The following ATP6V1H variants were observed in gnomAD, a reference collection of about 807,000 sequenced individuals.
The protein encoded by ATP6V1H is V-type proton ATPase subunit H.
In ATP6V1H, 39 loss-of-function variants were observed where a neutral mutation model predicts 71.7. The observed-to-expected ratio is 0.54, with a 90% CI of 0.42 to 0.71. ATP6V1H has a LOEUF of 0.71. Ranked by LOEUF, ATP6V1H falls within the 30% of genes least tolerant of loss-of-function variation. The pLI, the probability that ATP6V1H is intolerant of heterozygous loss-of-function variation, is 0.00. For missense variants in ATP6V1H, 509 were observed against 594.9 expected, an observed-to-expected ratio of 0.86 and a Z score of 1.50; for synonymous variants, 192 against 199.3, an observed-to-expected ratio of 0.96 and a Z score of 0.31.
chr8:53,786,619 A>G (rs1394137170), intron 9 of ATP6V1H, among the ~76,000 whole-genome samples: 4 of 152,182 alleles, frequency 2.6e-5, no homozygotes, highest in Non-Finnish European at 5.9e-5. Flanking sequence ...TGTCACTCAC[A>G]ATGGGAGCTG....
In ATP6V1H at chr8:53,825,103, G is replaced by A. The variant is rs189771912; in HGVS notation, c.306+4341C>T. Reference sequence around the variant, plus strand: ...TGAAAATTACAACACTCCTGAAGACGCAGACACACCTAACAAACGGAAAGG... The same window carrying A: ...TGAAAATTACAACACTCCTGAAGACACAGACACACCTAACAAACGGAAAGG... On this transcript the variant is annotated intron_variant, in intron 4 of 13. Transcript: ENST00000359530. Among the ~76,000 whole-genome samples the A allele has an allele frequency of 2.3e-3, 345 of 152,224 alleles. 2 individuals are homozygous for A. The highest frequency in any genetic ancestry group is 7.9e-3 in the African/African-American group (328 of 41,540).
At chr8:53,812,287 A>G (rs1167967154) in intron 6 of ATP6V1H, among the ~76,000 whole-genome samples, 1 of 152,186 alleles carries the variant, frequency 6.6e-6, no homozygotes, top group East Asian at 1.9e-4. Flanking sequence ...TGCACAATTT[A>G]AAGTCCACAA....
At chr8:53,752,819 G>T (rs1291181396) in intron 12 of ATP6V1H, among the ~76,000 whole-genome samples, 1 of 152,010 alleles carries the variant, frequency 6.6e-6, no homozygotes, top group African/African-American at 2.4e-5. Context: ...CAAAGTGCTG[G>T]GATTACAGGC....
intron 9 of ATP6V1H, among the ~76,000 whole-genome samples, chr8:53,773,156 G>C (rs1343938329): frequency 6.6e-6 from 1 of 152,102 alleles, no homozygotes; most frequent in African/African-American, 2.4e-5. Context: ...GCTTGGCTCA[G>C]AGTTGATATT....
chr8:53,772,762 A>G (rs1383016957), intron 9 of ATP6V1H, among the ~76,000 whole-genome samples: 1 of 152,218 alleles, frequency 6.6e-6, no homozygotes, highest in Non-Finnish European at 1.5e-5. Context: ...CCACAAATTT[A>G]TAACAATAAG....
chr8:53,821,429 C>T (rs1005736978), intron 4 of ATP6V1H, among the ~76,000 whole-genome samples: 1 of 151,564 alleles, frequency 6.6e-6, no homozygotes, highest in Non-Finnish European at 1.5e-5. Flanking sequence ...ACACCTGAAT[C>T]TCAGAATTCT....
chr8:53,840,709 C>T (rs1014439729), intron 2 of ATP6V1H, among the ~76,000 whole-genome samples: 1 of 151,974 alleles, frequency 6.6e-6, no homozygotes, highest in Admixed American at 6.6e-5. Context: ...CATTATAGAT[C>T]CCTCCTACAA....
At position 53,764,698 on chromosome 8, in the gene ATP6V1H, G is replaced by A. The variant is rs1029319938; in HGVS notation, c.1175+4920C>T. Among the ~76,000 whole-genome samples, 6 of 152,104 alleles carry A rather than the reference G, an allele frequency of 3.9e-5. 1 individual carries two copies. The highest frequency in any genetic ancestry group is 7.4e-5 in the Non-Finnish European group (5 of 68,006). Reference sequence around the variant, plus strand: ...TCATTAAGTGTAATAAGACAAAAAAGGAAATAAAAGAAATAATTACAGCAA... The same window carrying A: ...TCATTAAGTGTAATAAGACAAAAAAAGAAATAAAAGAAATAATTACAGCAA... On this transcript the variant is annotated intron_variant, in intron 11 of 13. Coordinates refer to ENST00000359530, the MANE Select transcript of ATP6V1H (RefSeq NM_015941.4).
intron 2 of ATP6V1H, among the ~76,000 whole-genome samples, chr8:53,837,624 G>A (rs1343514926): frequency 1.3e-5 from 2 of 152,136 alleles, no homozygotes; most frequent in African/African-American, 4.8e-5. Flanking sequence ...CAGGTCCAAG[G>A]AGCTGAGGTT....
intron 9 of ATP6V1H, among the ~76,000 whole-genome samples, chr8:53,789,099 A>T (rs558127763): frequency 1.3e-5 from 2 of 152,368 alleles, no homozygotes; most frequent in South Asian, 4.1e-4. Flanking sequence ...AGATGAATAA[A>T]TACAAGAGGA....
chr8:53,818,346 G>T (rs1422957337), intron 4 of ATP6V1H, among the ~76,000 whole-genome samples: 5 of 152,022 alleles, frequency 3.3e-5, no homozygotes, highest in Non-Finnish European at 2.9e-5. Context: ...TGATTTGTGG[G>T]TCATAATACT....
chr8:53,734,599 A>G (rs953096627), intron 13 of ATP6V1H, among the ~76,000 whole-genome samples: 9 of 152,220 alleles, frequency 5.9e-5, no homozygotes, highest in African/African-American at 2.2e-4. Context: ...GTTAAACTCC[A>G]GAGGAAAAAA....
At position 53,778,157 on chromosome 8, in the gene ATP6V1H, ATAGT is replaced by A. The variant is rs557210778; in HGVS notation, c.871-5994_871-5991del. 4.8e-3 allele frequency among the ~76,000 whole-genome samples: 730 copies of A among 152,326 alleles called. 9 individuals carry two copies. The highest frequency in any genetic ancestry group is 0.017 in the African/African-American group (702 of 41,570). On this transcript the variant is annotated intron_variant, in intron 9 of 13. Coordinates refer to ENST00000359530, the MANE Select transcript of ATP6V1H (RefSeq NM_015941.4). Reference sequence around the variant, plus strand: ...AAGAAATAAAATAGTGCAAAAACAAATAGTTAAAGACCCCAAAGAAATGTTATGA... The same window carrying A: ...AAGAAATAAAATAGTGCAAAAACAAATAAAGACCCCAAAGAAATGTTATGA...
chr8:53,719,881 G>A (rs1806556647), intron 13 of ATP6V1H, among the ~76,000 whole-genome samples: 1 of 152,166 alleles, frequency 6.6e-6, no homozygotes, highest in Non-Finnish European at 1.5e-5. Flanking sequence ...GGTGCAGAAG[G>A]CAGACACTTC....
Position 53,761,115 on chromosome 8 carries a change from T to C in ATP6V1H, c.1176-4459A>G, listed in dbSNP as rs186033224. On this transcript the variant is annotated intron_variant, in intron 11 of 13. Transcript: ENST00000359530. ...ACTTTGGGAGGCCGAGGTGGGCAGA[T>C]CACGAGGTCAGGAGATCGAGACCAT... Among the ~76,000 whole-genome samples, 864 of 152,204 alleles carry C rather than the reference T, an allele frequency of 5.7e-3. 7 individuals carry two copies. The highest frequency in any genetic ancestry group is 0.018 in the African/African-American group (755 of 41,522).
At chr8:53,780,715 G>A (rs186768751) in intron 9 of ATP6V1H, among the ~76,000 whole-genome samples, 47 of 151,512 alleles carry the variant, frequency 3.1e-4, no homozygotes, top group Non-Finnish European at 5.0e-4. Flanking sequence ...AACAGCCCCC[G>A]GTGTGTGATG....
At chr8:53,750,423 A>G (rs191718470) in intron 12 of ATP6V1H, among the ~76,000 whole-genome samples, 2 of 152,330 alleles carry the variant, frequency 1.3e-5, no homozygotes. Flanking sequence ...CTAAATCCTC[A>G]CTTAACATCA....
At chr8:53,754,303 C>CA (rs1298283831) in intron 12 of ATP6V1H, among the ~76,000 whole-genome samples, 1 of 152,110 alleles carries the variant, frequency 6.6e-6, no homozygotes, top group Non-Finnish European at 1.5e-5. Context: ...TCTTGCCTTC[C>CA]AAAAAATGTA....
chr8:53,810,322 G>A (rs1026005804), intron 7 of ATP6V1H, among the ~76,000 whole-genome samples: 2 of 152,198 alleles, frequency 1.3e-5, no homozygotes, highest in Non-Finnish European at 2.9e-5. Context: ...CTAGAGCACA[G>A]CAAAGTTCAG....
Sources: allele counts gnomAD v4.1 joint callset (sites outside exome capture counted in the v4.1 genomes callset), GRCh38; gene constraint gnomAD v4.1.1; transcripts MANE v1.5; gene names NCBI Gene and HGNC (gene_info 2026-07-23, HGNC 2026-07-21).